KAT6B: variants seen among roughly 807,000 people sequenced by gnomAD.
KAT6B encodes lysine acetyltransferase 6B.
A neutral mutation model predicts 187.5 loss-of-function variants in KAT6B; 10 were observed. The ratio of observed to expected loss-of-function variants is 0.05; its 90% CI spans 0.03 to 0.09. The LOEUF (loss-of-function observed/expected upper bound fraction) is 0.09, where lower values mean the gene tolerates loss of function less well. KAT6B is among the 10% of genes least tolerant of loss of function. The pLI is 1.00. For synonymous variants in KAT6B, 861 were observed against 926.8 expected (o/e 0.93, Z 1.29); for missense variants, 1,952 against 2,558.9 (o/e 0.76, Z 5.12).
intron 3 of KAT6B, among the ~76,000 whole-genome samples, chr10:74,911,090 C>T (rs1427197463): frequency 6.6e-6 from 1 of 152,094 alleles, no homozygotes; most frequent in Non-Finnish European, 1.5e-5. Flanking sequence ...GGTAGTCCAG[C>T]GGAGAGTGAT....
At chr10:74,925,670 G>T (rs970281902) in intron 3 of KAT6B, among the ~76,000 whole-genome samples, 6 of 152,098 alleles carry the variant, frequency 3.9e-5, no homozygotes, top group African/African-American at 1.4e-4. Context: ...GAGGATATCT[G>T]AACTGGATTA....
chr10:74,965,406 C>G (rs1001675358), intron 4 of KAT6B, among the ~76,000 whole-genome samples: 1 of 152,166 alleles, frequency 6.6e-6, no homozygotes, highest in Admixed American at 6.5e-5. Context: ...TTTGTCTTTC[C>G]TGCTGGGCTA....
chr10:74,961,683 G>A (rs563707798), intron 4 of KAT6B, among the ~76,000 whole-genome samples: 4 of 152,196 alleles, frequency 2.6e-5, no homozygotes, highest in South Asian at 4.2e-4. Context: ...TGTCTTTCCC[G>A]GATTGAAGAC....
chr10:75,030,647 A>C lies in KAT6B; in HGVS notation c.5823A>C (p.Ser1941=), dbSNP rs746666175. The C allele has an allele frequency of 6.2e-7, 1 of 1,614,124 alleles. No individual in the cohort carries two copies. Among genetic ancestry groups the C allele is most frequent in the African/African-American group, 1.3e-5 (1 of 75,066 alleles). Residue 1941 remains serine (S), a synonymous_variant, in exon 18 of 18, where the codon TCA becomes TCC. Coordinates refer to ENST00000287239, the MANE Select transcript of KAT6B (RefSeq NM_012330.4). The surrounding 1 kb of genome is among the most constrained non-coding windows in gnomAD (Gnocchi z 4.8). The part of the protein sequence containing the change: ...SLSPAAATHQ[S]QIYGRSQTVA... The stretch of plus-strand genomic sequence containing the variant: ...CACCAGCCGCTGCCACCCATCAGTC[A>C]CAAATCTATGGGCGCTCCCAGACTG...
intron 13 of KAT6B, among the ~76,000 whole-genome samples, chr10:75,018,085 G>A (rs61151518): frequency 0.12 from 18,893 of 152,164 alleles, 2,304 homozygotes; most frequent in African/African-American, 0.32. Context: ...GTCGGTGCAC[G>A]TCATCCCTGC....
chr10:75,017,013 G>A (rs1182966182), intron 13 of KAT6B, among the ~76,000 whole-genome samples: 1 of 151,846 alleles, frequency 6.6e-6, no homozygotes, highest in Non-Finnish European at 1.5e-5. Flanking sequence ...ACAGGCGCAC[G>A]CCACCATGCC....
chr10:74,828,669 G>A (rs1215794089), intron 1 of KAT6B, among the ~76,000 whole-genome samples: 1 of 144,986 alleles, frequency 6.9e-6, no homozygotes, highest in Non-Finnish European at 1.5e-5. Flanking sequence ...CCGGGTTCAC[G>A]CCATTGTCCT....
intron 9 of KAT6B, among the ~76,000 whole-genome samples, chr10:74,978,684 G>T (rs1025591917): frequency 3.3e-5 from 5 of 152,140 alleles, no homozygotes; most frequent in Admixed American, 2.0e-4. Context: ...TCTTAACCTC[G>T]TGTGGCTTAC....
At chr10:74,899,022 A>T (rs1362271030) in intron 3 of KAT6B, among the ~76,000 whole-genome samples, 1 of 128,520 alleles carries the variant, frequency 7.8e-6, no homozygotes, top group Admixed American at 7.5e-5. Flanking sequence ...ATAGCCGAGC[A>T]TGGTGGCAGG....
intron 3 of KAT6B, among the ~76,000 whole-genome samples, chr10:74,908,271 A>G (rs543020886): frequency 6.6e-6 from 1 of 152,296 alleles, no homozygotes; most frequent in African/African-American, 2.4e-5. Context: ...ACTATAAGAA[A>G]TAAGTTCCTG....
At chr10:75,011,374 A>G (rs1844596409) in intron 13 of KAT6B, among the ~76,000 whole-genome samples, 1 of 152,128 alleles carries the variant, frequency 6.6e-6, no homozygotes, top group Admixed American at 6.5e-5. Context: ...CTTCCTCTGC[A>G]TGCCTTTCTA....
chr10:74,832,905 A>G lies in KAT6B; in HGVS notation c.-328-5778A>G, dbSNP rs556855461. On this transcript the variant is annotated intron_variant, in intron 1 of 17. Transcript: ENST00000287239. ...TTTGGGAGGCTCAGGCAGCTGGATC[A>G]CAAGGTCAGGAGCTCGAGACCAGCC... Among the ~76,000 whole-genome samples the G allele has an allele frequency of 5.9e-5, 9 of 151,988 alleles. 1 individual carries two copies. In the South Asian group the frequency reaches 1.9e-3, roughly 32 times the overall value.
intron 3 of KAT6B, among the ~76,000 whole-genome samples, chr10:74,917,528 A>G (rs1847778893): frequency 1.3e-5 from 2 of 152,214 alleles, no homozygotes; most frequent in Admixed American, 1.3e-4. Context: ...TGCTTAGTAT[A>G]TACCAGTCAC....
chr10:74,945,696 C>A (rs543933154), intron 3 of KAT6B, among the ~76,000 whole-genome samples: 1 of 152,090 alleles, frequency 6.6e-6, no homozygotes, highest in Non-Finnish European at 1.5e-5. Flanking sequence ...GTGATCCGCC[C>A]GCCTCAGCCT....
At chr10:74,993,225 G>A (rs1468452148) in intron 13 of KAT6B, among the ~76,000 whole-genome samples, 1 of 152,180 alleles carries the variant, frequency 6.6e-6, no homozygotes, top group African/African-American at 2.4e-5. Context: ...TGCTTCTGCT[G>A]CTGGGGCTGC....
At chr10:74,916,860 G>A (rs944141068) in intron 3 of KAT6B, among the ~76,000 whole-genome samples, 2 of 152,158 alleles carry the variant, frequency 1.3e-5, no homozygotes, top group Non-Finnish European at 2.9e-5. Context: ...CCAGCTCTTT[G>A]GGAGGCCCAG....
At chr10:74,860,920 C>T (rs1170917183) in intron 3 of KAT6B, among the ~76,000 whole-genome samples, 1 of 151,946 alleles carries the variant, frequency 6.6e-6, no homozygotes, top group Non-Finnish European at 1.5e-5. Context: ...AGTGGATCAC[C>T]TGAGGTCAGG....
chr10:74,844,952 C>T (rs1426718388), intron 3 of KAT6B, among the ~76,000 whole-genome samples: 1 of 152,160 alleles, frequency 6.6e-6, no homozygotes, highest in East Asian at 1.9e-4. Context: ...CAGGGTGGCT[C>T]CTGCCTGTAG....
intron 17 of KAT6B, 99 bp downstream of exon 17, chr10:75,025,348 G>A (rs547205784): frequency 8.1e-6 from 10 of 1,227,288 alleles, no homozygotes; most frequent in South Asian, 3.8e-5. Context: ...AGGCACCTGC[G>A]AAGTGGTGCT....
Sources: allele counts gnomAD v4.1 joint callset (sites outside exome capture counted in the v4.1 genomes callset), GRCh38; gene constraint gnomAD v4.1.1; non-coding constraint Gnocchi (gnomAD v3.1); transcripts MANE v1.5; gene names NCBI Gene and HGNC (gene_info 2026-07-23, HGNC 2026-07-21).